The following SVEP1 variants were observed in gnomAD, a reference collection of about 807,000 sequenced individuals.
SVEP1 encodes the protein sushi, von Willebrand factor type A, EGF and pentraxin domain-containing protein 1.
SVEP1 carries 164 observed loss-of-function variants against 367.3 expected under a neutral mutation model. The observed-to-expected ratio is 0.45, with a 90% CI of 0.39 to 0.51. SVEP1 has a LOEUF of 0.51. Among genes scored for constraint, SVEP1 ranks in the 20% least tolerant of loss-of-function variants. The pLI is 0.00. For missense variants in SVEP1, 4,117 were observed against 4,425.3 expected, an observed-to-expected ratio of 0.93 and a Z score of 1.98; for synonymous variants, 1,666 against 1,611.6, an observed-to-expected ratio of 1.03 and a Z score of -0.81.
At chr9:110,445,783 A>C (rs1828584179) in intron 26 of SVEP1, 54 bp downstream of exon 26, 4 of 1,592,978 alleles carry the variant, frequency 2.5e-6, no homozygotes. Context: ...TGTCAGTTCT[A>C]ATTCGGTTCC....
chr9:110,392,227 C>A (rs1827669598), intron 40 of SVEP1, among the ~76,000 whole-genome samples: 1 of 150,782 alleles, frequency 6.6e-6, no homozygotes, highest in Non-Finnish European at 1.5e-5. Flanking sequence ...TTATATCTCT[C>A]TAAACTTAGG....
chr9:110,446,780 A>G (rs1828607169), intron 25 of SVEP1, 120 bp downstream of exon 25: 1 of 807,296 alleles, frequency 1.2e-6, no homozygotes, highest in Non-Finnish European at 1.8e-6. Flanking sequence ...TTAAATGAGT[A>G]CAAAGTGCTT....
chr9:110,460,894 A>C (rs1828848342), intron 18 of SVEP1, among the ~76,000 whole-genome samples: 1 of 152,212 alleles, frequency 6.6e-6, no homozygotes, highest in Non-Finnish European at 1.5e-5. Flanking sequence ...TATTATGACT[A>C]ACTTATACTG....
chr9:110,516,765 T>A (rs2118784097), intron 3 of SVEP1, among the ~76,000 whole-genome samples: 1 of 152,224 alleles, frequency 6.6e-6, no homozygotes, highest in East Asian at 1.9e-4. Flanking sequence ...ACAAGAGAAT[T>A]GAGTAGAAGT....
chr9:110,431,451 C>A (rs923866000), intron 32 of SVEP1, among the ~76,000 whole-genome samples: 1 of 151,988 alleles, frequency 6.6e-6, no homozygotes, highest in Non-Finnish European at 1.5e-5. Flanking sequence ...CTGGTATTAT[C>A]AAAGCTATTT....
chr9:110,370,047 T>C, intron 46 of SVEP1, 31 bp from the exon 47 acceptor site: 2 of 1,589,344 alleles, frequency 1.3e-6, no homozygotes, highest in African/African-American at 1.3e-5. Context: ...ATTTATTTAA[T>C]TAATACTTAG....
intron 2 of SVEP1, among the ~76,000 whole-genome samples, chr9:110,547,243 C>T (rs1241545815): frequency 2.0e-5 from 3 of 152,124 alleles, no homozygotes; most frequent in Admixed American, 6.5e-5. Context: ...AAGCTCCTTC[C>T]AATAGACTGT....
At chr9:110,371,175 GAAACAAATCAGGATTA>G (rs1362796400) in intron 46 of SVEP1, among the ~76,000 whole-genome samples, 1 of 152,118 alleles carries the variant, frequency 6.6e-6, no homozygotes, top group Non-Finnish European at 1.5e-5. Context: ...AGAAAATTAT[GAAACAAATCAGGATTA>G]AAACAAGCAA....
intron 28 of SVEP1, among the ~76,000 whole-genome samples, chr9:110,436,112 T>G (rs1447321842): frequency 6.6e-6 from 1 of 152,028 alleles, no homozygotes; most frequent in Non-Finnish European, 1.5e-5. Flanking sequence ...TTCTTAAATT[T>G]TATTGGAGAA....
chr9:110,430,251 C>T (rs758229446), intron 33 of SVEP1, 23 bp downstream of exon 33: 23 of 1,596,432 alleles, frequency 1.4e-5, no homozygotes, highest in African/African-American at 6.7e-5. Flanking sequence ...ACATAAGAAA[C>T]GTGGTAAATT....
chr9:110,517,197 C>T (rs560953032), intron 3 of SVEP1, among the ~76,000 whole-genome samples: 15 of 152,226 alleles, frequency 9.9e-5, no homozygotes, highest in Admixed American at 2.6e-4. Context: ...TGGTGGCTCA[C>T]GGCTGTAATT....
At chr9:110,401,837 A>AC (rs1827867095) in intron 39 of SVEP1, among the ~76,000 whole-genome samples, 1 of 151,976 alleles carries the variant, frequency 6.6e-6, no homozygotes, top group Admixed American at 6.6e-5. Flanking sequence ...TCTCTTGAAG[A>AC]TTGTTATTCT....
At position 110,434,405 on chromosome 9, in the gene SVEP1, G is replaced by T. The variant is rs1191038198; in HGVS notation, c.4990C>A (p.Leu1664Met). ...CAGTACTGCACAGGGTTCCCGACCA[G>T]CTGGAAGCCTGGATCACAGAACAGA... ...VNLFCDPGFQ[L>M]VGNPVQYCLN... The change falls in exon 30 of 48, where the codon CTG (leucine) becomes ATG (methionine). Residue 1664 changes from leucine (L) to methionine (M), a missense_variant. Leu to Met is a conservative substitution (Grantham distance 15). This residue lies in a region of SVEP1 where 2,174 missense variants were observed against 2,494.3 expected (regional missense o/e 0.87). Coordinates refer to ENST00000374469, the MANE Select transcript of SVEP1 (RefSeq NM_153366.4). The T allele has an allele frequency of 1.2e-6, 2 of 1,613,322 alleles. No individual in the cohort carries two copies. Among genetic ancestry groups the T allele is most frequent in the South Asian group, 2.2e-5 (2 of 90,956 alleles).
intron 3 of SVEP1, among the ~76,000 whole-genome samples, chr9:110,531,128 T>A (rs1830013053): frequency 6.6e-6 from 1 of 152,162 alleles, no homozygotes; most frequent in Non-Finnish European, 1.5e-5. Context: ...AGCAACTTTG[T>A]TTTGAATATT....
At chr9:110,515,296 ATTTTTTTT>A (rs56032828) in intron 3 of SVEP1, among the ~76,000 whole-genome samples, 1 of 101,490 alleles carries the variant, frequency 9.9e-6, no homozygotes, top group Non-Finnish European at 2.0e-5. Flanking sequence ...TTATGTGGGG[ATTTTTTTT>A]TTTTTTTTTT....
chr9:110,466,145 C>CA, intron 17 of SVEP1, 119 bp from the exon 18 acceptor site: 1 of 1,054,402 alleles, frequency 9.5e-7, no homozygotes, highest in South Asian at 2.0e-5. Flanking sequence ...ATGAGGGACC[C>CA]AGAGAGCTCT....
At chr9:110,374,100 G>C (rs994255766) in intron 46 of SVEP1, among the ~76,000 whole-genome samples, 1 of 152,002 alleles carries the variant, frequency 6.6e-6, no homozygotes, top group Non-Finnish European at 1.5e-5. Flanking sequence ...TCATCACTCA[G>C]GTACTAAGCC....
intron 16 of SVEP1, among the ~76,000 whole-genome samples, chr9:110,470,702 C>T (rs1444473605): frequency 6.6e-6 from 1 of 151,546 alleles, no homozygotes; most frequent in Non-Finnish European, 1.5e-5. Flanking sequence ...TCCCAAAGTG[C>T]TGGGATTACA....
chr9:110,367,169 A>G (rs186704058), intron 47 of SVEP1, among the ~76,000 whole-genome samples: 1 of 152,266 alleles, frequency 6.6e-6, no homozygotes, highest in Admixed American at 6.5e-5. Context: ...AGGCATATAT[A>G]TATATTTTAA....
Sources: gnomAD v4.1 joint callset for allele counts (sites outside exome capture counted in the v4.1 genomes callset) on GRCh38, gnomAD v4.1.1 for gene constraint, gnomAD v4.1.1 regional missense constraint, MANE v1.5 for transcripts, NCBI Gene and HGNC (gene_info 2026-07-23, HGNC 2026-07-21) for gene names.